MOB1B: variants seen among roughly 807,000 people sequenced by gnomAD.
The protein encoded by MOB1B is MOB1 Mps One Binder homolog B.
In MOB1B, 19 loss-of-function variants were observed where a neutral mutation model predicts 24.4. That is an observed-to-expected ratio of 0.78 (90% CI 0.54 to 1.14). The LOEUF is 1.14. MOB1B is among the 50% of genes most tolerant of loss of function. The probability of loss-of-function intolerance (pLI) is 0.00; values close to 1 mark genes in which losing one functional copy is unlikely to be tolerated. For missense variants in MOB1B, 243 were observed against 259.6 expected, an observed-to-expected ratio of 0.94 and a Z score of 0.44; for synonymous variants, 76 against 82.1, an observed-to-expected ratio of 0.93 and a Z score of 0.40.
At chr4:70,909,525 A>G (rs1735893743) in intron 1 of MOB1B, among the ~76,000 whole-genome samples, 2 of 152,164 alleles carry the variant, frequency 1.3e-5, no homozygotes, top group Non-Finnish European at 2.9e-5. Context: ...ATTAAAAAAA[A>G]ATAACAATAA....
At chr4:70,974,438 A>G (rs981904136) in intron 3 of MOB1B, among the ~76,000 whole-genome samples, 1 of 151,112 alleles carries the variant, frequency 6.6e-6, no homozygotes, top group African/African-American at 2.4e-5. Context: ...TTACATCTTC[A>G]CTCTTGAGTC....
intron 1 of MOB1B, among the ~76,000 whole-genome samples, chr4:70,918,301 C>T (rs1043757980): frequency 8.6e-5 from 13 of 151,620 alleles, no homozygotes; most frequent in South Asian, 2.1e-4. Flanking sequence ...TTTACAGTCC[C>T]ACCAACAGTG....
intron 2 of MOB1B, among the ~76,000 whole-genome samples, chr4:70,969,332 T>C (rs1374809325): frequency 6.6e-6 from 1 of 152,162 alleles, no homozygotes; most frequent in Non-Finnish European, 1.5e-5. Flanking sequence ...GGTCTCAGTG[T>C]ATTTCCCAGG....
At chr4:70,966,925 A>C (rs1738555761) in intron 2 of MOB1B, among the ~76,000 whole-genome samples, 1 of 152,180 alleles carries the variant, frequency 6.6e-6, no homozygotes, top group African/African-American at 2.4e-5. Flanking sequence ...AAGGAGAAAA[A>C]AAATCGTATC....
intron 1 of MOB1B, among the ~76,000 whole-genome samples, chr4:70,932,046 C>A (rs943263625): frequency 6.6e-6 from 1 of 152,072 alleles, no homozygotes; most frequent in African/African-American, 2.4e-5. Context: ...CTGCTCTTTT[C>A]GCAGTTTCTT....
chr4:70,955,224 G>A (rs368790862), intron 1 of MOB1B, among the ~76,000 whole-genome samples: 259 of 152,296 alleles, frequency 1.7e-3, no homozygotes, highest in Non-Finnish European at 1.4e-3. Context: ...ACTTACCTGA[G>A]TGCAGACACA....
intron 1 of MOB1B, among the ~76,000 whole-genome samples, chr4:70,952,935 CTTTTTTTTT>C (rs71211985): frequency 0.018 from 1,293 of 72,336 alleles, 26 homozygotes; most frequent in African/African-American, 0.063. Flanking sequence ...GTCATTTGGT[CTTTTTTTTT>C]TTTTTTTTTT....
In MOB1B at chr4:70,956,323, C is replaced by G. The variant is rs183547509; in HGVS notation, c.15-2551C>G. On this transcript the variant is annotated intron_variant, in intron 1 of 5. Transcript: ENST00000309395. ...AAATATATTTTTTAGAGAGGGAGCCCCACTGTGTTGCCCAGATTTGTCTTG... is the reference window on the plus strand; with the variant it reads ...AAATATATTTTTTAGAGAGGGAGCCGCACTGTGTTGCCCAGATTTGTCTTG... 7.8e-4 allele frequency among the ~76,000 whole-genome samples: 119 copies of G among 151,852 alleles called. 3 individuals are homozygous for G. Among genetic ancestry groups the G allele is most frequent in the Admixed American group, 6.2e-3 (95 of 15,242 alleles).
intron 1 of MOB1B, among the ~76,000 whole-genome samples, chr4:70,925,723 A>G (rs1275099289): frequency 2.6e-5 from 4 of 152,304 alleles, no homozygotes; most frequent in South Asian, 2.1e-4. Context: ...GGATGCCTGT[A>G]TATTTAATTT....
chr4:70,912,863 G>A (rs1192653927), intron 1 of MOB1B, among the ~76,000 whole-genome samples: 1 of 152,014 alleles, frequency 6.6e-6, no homozygotes, highest in Non-Finnish European at 1.5e-5. Flanking sequence ...TAGGCTCAAG[G>A]GATCCTCCCA....
intron 1 of MOB1B, among the ~76,000 whole-genome samples, chr4:70,940,078 C>G (rs1312112098): frequency 6.6e-6 from 1 of 152,102 alleles, no homozygotes; most frequent in Non-Finnish European, 1.5e-5. Flanking sequence ...ACTCGATGTC[C>G]TCTTGACCTC....
At chr4:70,941,610 G>A (rs1455310319) in intron 1 of MOB1B, among the ~76,000 whole-genome samples, 1 of 152,042 alleles carries the variant, frequency 6.6e-6, no homozygotes, top group Non-Finnish European at 1.5e-5. Context: ...CAAAGTGCTG[G>A]GATTACAGGT....
intron 2 of MOB1B, among the ~76,000 whole-genome samples, chr4:70,969,700 G>T (rs1738678422): frequency 6.6e-6 from 1 of 152,104 alleles, no homozygotes; most frequent in African/African-American, 2.4e-5. Context: ...TCTGTTGTTT[G>T]TATGCGTTGC....
chr4:70,917,441 T>G (rs1736238058), intron 1 of MOB1B, among the ~76,000 whole-genome samples: 1 of 152,198 alleles, frequency 6.6e-6, no homozygotes, highest in Non-Finnish European at 1.5e-5. Flanking sequence ...GGACGTCATC[T>G]TTTTCTTGGG....
intron 1 of MOB1B, among the ~76,000 whole-genome samples, chr4:70,949,073 TACCTTC>T (rs1220330077): frequency 8.5e-5 from 13 of 152,224 alleles, no homozygotes; most frequent in Admixed American, 6.5e-4. Flanking sequence ...GAATCACTCT[TACCTTC>T]ATAGAGACCT....
intron 1 of MOB1B, among the ~76,000 whole-genome samples, chr4:70,905,920 A>C (rs557267283): frequency 1.3e-5 from 2 of 152,070 alleles, no homozygotes; most frequent in South Asian, 4.2e-4. Context: ...TACAAAAATT[A>C]GCCAGGTGTG....
chr4:70,914,430 G>C, intron 1 of MOB1B, among the ~76,000 whole-genome samples: 1 of 151,906 alleles, frequency 6.6e-6, no homozygotes, highest in South Asian at 2.1e-4. Context: ...CACTTTTTCT[G>C]CCCCAGTCCA....
chr4:70,917,837 G>C (rs1736253728), intron 1 of MOB1B, among the ~76,000 whole-genome samples: 1 of 152,190 alleles, frequency 6.6e-6, no homozygotes, highest in African/African-American at 2.4e-5. Flanking sequence ...AGGAATGTGG[G>C]ATCAAGCATT....
chr4:70,971,228 C>T (rs1429019975), intron 3 of MOB1B, among the ~76,000 whole-genome samples: 1 of 152,156 alleles, frequency 6.6e-6, no homozygotes, highest in Non-Finnish European at 1.5e-5. Context: ...TTAGGCTGGG[C>T]ATGGTGGCTC....
Sources: allele counts gnomAD v4.1 joint callset (sites outside exome capture counted in the v4.1 genomes callset), GRCh38; gene constraint gnomAD v4.1.1; transcripts MANE v1.5; gene names NCBI Gene and HGNC (gene_info 2026-07-23, HGNC 2026-07-21).